Variants in FOCAD observed in about 807,000 individuals in gnomAD.
FOCAD encodes focadhesin.
FOCAD carries 198 observed loss-of-function variants against 225.6 expected under a neutral mutation model. The observed-to-expected ratio is 0.88, with a 90% CI of 0.78 to 0.99. The LOEUF (loss-of-function observed/expected upper bound fraction) is 0.99. Among genes scored for constraint, FOCAD ranks in the 50% least tolerant of loss-of-function variants. FOCAD has a pLI of 0.00. For synonymous variants in FOCAD, 897 were observed against 755.0 expected (o/e 1.19, Z -3.08); for missense variants, 2,713 against 2,123.6 (o/e 1.28, Z -5.46).
chr9:20,800,861 C>G (rs1821738703), intron 11 of FOCAD, among the ~76,000 whole-genome samples: 1 of 152,156 alleles, frequency 6.6e-6, no homozygotes, highest in African/African-American at 2.4e-5. Flanking sequence ...CAAAGTCATT[C>G]TCCATCCAGC....
At chr9:20,657,028 C>T (rs1268788239), upstream of FOCAD, among the ~76,000 whole-genome samples, 3 of 152,042 alleles carry the variant, frequency 2.0e-5, no homozygotes, top group African/African-American at 4.8e-5. Flanking sequence ...GTTTCTCCTT[C>T]GCTTATGAAG....
chr9:20,836,983 C>A (rs1182284945), intron 15 of FOCAD, among the ~76,000 whole-genome samples: 1 of 151,906 alleles, frequency 6.6e-6, no homozygotes, highest in South Asian at 2.1e-4. Flanking sequence ...TAATATTTTA[C>A]CACTTAAAAT....
intron 5 of FOCAD, among the ~76,000 whole-genome samples, chr9:20,741,380 C>T (rs188396729): frequency 9.2e-5 from 14 of 152,186 alleles, no homozygotes; most frequent in African/African-American, 2.2e-4. Flanking sequence ...TGGTCTGTGT[C>T]GTGGTATATC....
intron 15 of FOCAD, among the ~76,000 whole-genome samples, chr9:20,836,657 T>C (rs1346846499): frequency 1.3e-5 from 2 of 152,104 alleles, no homozygotes; most frequent in Non-Finnish European, 2.9e-5. Context: ...TTTTTAACTT[T>C]AAAAGGACAG....
intron 8 of FOCAD, 106 bp downstream of exon 8, chr9:20,770,344 G>A: frequency 2.7e-5 from 28 of 1,023,266 alleles, no homozygotes; most frequent in Non-Finnish European, 3.7e-5. Flanking sequence ...AGTCTGGCAG[G>A]CTGTACAGGA....
Position 20,678,343 on chromosome 9 carries a change from C to A in FOCAD, c.-77-16177C>A, listed in dbSNP as rs1822296408. Among the ~76,000 whole-genome samples, 3 of 152,150 alleles carry A rather than the reference C, an allele frequency of 2.0e-5. No homozygotes were observed. In the South Asian group the frequency reaches 6.2e-4, roughly 32 times the overall value. The stretch of plus-strand genomic sequence containing the variant: ...AGCTGACCTTGAGCAAACTACCAAG[C>A]ATGTGAATGAGGCCATCCTAGACCA... On this transcript the variant is annotated intron_variant, in intron 2 of 45. Transcript: ENST00000380249.
chr9:20,685,825 G>T (rs548900185), intron 1 of FOCAD, among the ~76,000 whole-genome samples: 1 of 152,280 alleles, frequency 6.6e-6, no homozygotes, highest in Non-Finnish European at 1.5e-5. Context: ...GTTGTCTCCA[G>T]TTGACGCCTG....
chr9:20,724,923 C>G (rs1305690447), intron 4 of FOCAD, among the ~76,000 whole-genome samples: 1 of 152,164 alleles, frequency 6.6e-6, no homozygotes, highest in Non-Finnish European at 1.5e-5. Flanking sequence ...AATCCCAGCA[C>G]TTTGGGAGGC....
chr9:20,684,246 G>A (rs1258185278), upstream of FOCAD: 1 of 152,488 alleles, frequency 6.6e-6, no homozygotes, highest in Non-Finnish European at 1.5e-5. Flanking sequence ...CGGCGGGGCG[G>A]GCCACGTCAG....
At position 20,929,605 on chromosome 9, in the gene FOCAD, T is replaced by A; in HGVS notation, c.3317+9T>A. The A allele has an allele frequency of 6.2e-7, 1 of 1,607,218 alleles. No homozygotes were observed. The highest frequency in any genetic ancestry group is 1.1e-5 in the South Asian group (1 of 90,666). ...TGTGAAGAGAAACTCAGGTACAGTT[T>A]ATTAAAATATTCCTGCTTTTCTTCT... On this transcript the variant is annotated intron_variant, in intron 27 of 43. Transcript: ENST00000338382.
intron 2 of FOCAD, among the ~76,000 whole-genome samples, chr9:20,677,808 C>G (rs1822279916): frequency 1.3e-5 from 2 of 152,166 alleles, no homozygotes. Context: ...AGAACTATAT[C>G]TGATACTGCA....
At chr9:20,938,584 TG>T (rs2132271732) in intron 28 of FOCAD, among the ~76,000 whole-genome samples, 1 of 120,710 alleles carries the variant, frequency 8.3e-6, no homozygotes, top group South Asian at 2.9e-4. Context: ...TGTTGTGGGG[TG>T]GGGGGAGTGG....
At chr9:20,757,432 C>A (rs1286506599) in intron 5 of FOCAD, among the ~76,000 whole-genome samples, 1 of 151,798 alleles carries the variant, frequency 6.6e-6, no homozygotes. Context: ...CTTCAAATTT[C>A]AGATTTTATG....
chr9:20,913,257 T>C (rs1239700977), intron 23 of FOCAD, among the ~76,000 whole-genome samples: 1 of 152,036 alleles, frequency 6.6e-6, no homozygotes. Context: ...TTTTATATGC[T>C]TTTGAATGAA....
chr9:20,992,928 A>G (rs1180791554), intron 42 of FOCAD, among the ~76,000 whole-genome samples: 3 of 151,352 alleles, frequency 2.0e-5, no homozygotes, highest in African/African-American at 7.3e-5. Flanking sequence ...GCGCTACTGC[A>G]CTCCAGCCTG....
chr9:20,987,315 C>G (rs569165663), intron 40 of FOCAD, among the ~76,000 whole-genome samples: 1 of 152,098 alleles, frequency 6.6e-6, no homozygotes, highest in South Asian at 2.1e-4. Flanking sequence ...TAAGACCAGC[C>G]TGGCCCACAT....
At chr9:20,846,081 T>A (rs1735376843) in intron 15 of FOCAD, among the ~76,000 whole-genome samples, 1 of 152,074 alleles carries the variant, frequency 6.6e-6, no homozygotes, top group Non-Finnish European at 1.5e-5. Flanking sequence ...AGTTAGACAT[T>A]TAGGCACATT....
At chr9:20,666,656 C>G (rs111557158) in intron 2 of FOCAD, among the ~76,000 whole-genome samples, 1 of 152,096 alleles carries the variant, frequency 6.6e-6, no homozygotes, top group African/African-American at 2.4e-5. Context: ...AGCTTCTATA[C>G]GGATTTATTA....
At chr9:20,788,344 G>A (rs2131167748) in intron 10 of FOCAD, among the ~76,000 whole-genome samples, 1 of 152,196 alleles carries the variant, frequency 6.6e-6, no homozygotes, top group East Asian at 1.9e-4. Flanking sequence ...TGGGATTTTT[G>A]TTTGGGTTGA....
Sources: allele counts gnomAD v4.1 joint callset (sites outside exome capture counted in the v4.1 genomes callset), GRCh38; gene constraint gnomAD v4.1.1; transcripts MANE v1.5; gene names NCBI Gene and HGNC (gene_info 2026-07-23, HGNC 2026-07-21).